The following SYTL3 variants were observed in gnomAD, a reference collection of about 807,000 sequenced individuals.
SYTL3 encodes the protein synaptotagmin like 3.
In SYTL3, 88 loss-of-function variants were observed where a neutral mutation model predicts 82.1. The ratio of observed to expected loss-of-function variants is 1.07; its 90% CI spans 0.90 to 1.28. SYTL3 has a LOEUF of 1.28. SYTL3 is among the 50% of genes most tolerant of loss of function. The pLI is 0.00. For synonymous variants in SYTL3, 311 were observed against 289.4 expected (o/e 1.07, Z -0.76); for missense variants, 831 against 757.6 (o/e 1.10, Z -1.14).
Position 158,751,910 on chromosome 6 carries a change from G to T in SYTL3, c.1035-18G>T, listed in dbSNP as rs748031735. 5.1e-5 allele frequency: 81 copies of T among 1,581,356 alleles called. No homozygotes were observed. The highest frequency in any genetic ancestry group is 5.3e-5 in the Non-Finnish European group (62 of 1,159,844). On this transcript the variant is annotated intron_variant, in intron 12 of 17. Coordinates refer to ENST00000611299, the MANE Select transcript of SYTL3 (RefSeq NM_001242394.2). The stretch of plus-strand genomic sequence containing the variant: ...TTCCCTGAGTTCTCACTCTGTCCCC[G>T]CTGTGTTTGGCCCCTAGGTATGTGA...
intron 17 of SYTL3, 89 bp downstream of exon 17, chr6:158,763,598 G>A: frequency 8.5e-7 from 1 of 1,176,442 alleles, no homozygotes; most frequent in Non-Finnish European, 1.3e-6. Context: ...CCAGGGCAGT[G>A]ACTTAACTGG....
intron 5 of SYTL3, among the ~76,000 whole-genome samples, chr6:158,679,387 CTT>C (rs991193059): frequency 6.6e-6 from 1 of 151,580 alleles, no homozygotes; most frequent in Non-Finnish European, 1.5e-5. Context: ...AAAAAAAAGT[CTT>C]GGGATTAGTG....
At chr6:158,763,621 C>A in intron 17 of SYTL3, 112 bp downstream of exon 17, 1 of 890,028 alleles carries the variant, frequency 1.1e-6, no homozygotes, top group South Asian at 1.6e-5. Flanking sequence ...TTGAAATTGC[C>A]TAGCCTGCCT....
chr6:158,650,365 A>G (rs1043700353), intron 1 of SYTL3, among the ~76,000 whole-genome samples: 4 of 148,484 alleles, frequency 2.7e-5, no homozygotes, highest in Non-Finnish European at 6.0e-5. Flanking sequence ...ATATGGTGTG[A>G]TTTTTTTTTT....
chr6:158,763,540 ATACT>A, intron 17 of SYTL3, 31 bp downstream of exon 17: 1 of 1,577,550 alleles, frequency 6.3e-7, no homozygotes, highest in Non-Finnish European at 8.7e-7. Context: ...CCAAACGTTT[ATACT>A]TTGTGATTAT....
At chr6:158,693,855 CTTTTT>C (rs575358067) in intron 6 of SYTL3, among the ~76,000 whole-genome samples, 3 of 96,866 alleles carry the variant, frequency 3.1e-5, no homozygotes, top group African/African-American at 1.1e-4. Context: ...TTTTTCTTTT[CTTTTT>C]TTTTTTTTTT....
At chr6:158,659,420 A>C (rs1789096630) in intron 2 of SYTL3, among the ~76,000 whole-genome samples, 1 of 152,064 alleles carries the variant, frequency 6.6e-6, no homozygotes, top group Non-Finnish European at 1.5e-5. Context: ...CGATGGTGCG[A>C]TCTTGGCTCA....
intron 6 of SYTL3, among the ~76,000 whole-genome samples, chr6:158,695,155 A>G (rs1780421912): frequency 6.6e-6 from 1 of 152,232 alleles, no homozygotes; most frequent in Non-Finnish European, 1.5e-5. Flanking sequence ...CAGGTTGAGT[A>G]GTTGCAACAG....
intron 5 of SYTL3, among the ~76,000 whole-genome samples, chr6:158,680,588 A>AAAAC (rs964570585): frequency 3.3e-5 from 5 of 149,310 alleles, no homozygotes; most frequent in Admixed American, 3.3e-4. Context: ...AAAAAAAAAA[A>AAAAC]AAAAAACACA....
intron 5 of SYTL3, among the ~76,000 whole-genome samples, chr6:158,677,546 A>T (rs943428276): frequency 7.1e-6 from 1 of 140,734 alleles, no homozygotes. Context: ...AACTTATAAT[A>T]AAAAAAAAAT....
intron 11 of SYTL3, among the ~76,000 whole-genome samples, chr6:158,736,469 ATTGT>A (rs535248617): frequency 3.0e-4 from 46 of 151,712 alleles, no homozygotes; most frequent in Middle Eastern, 3.4e-3. Flanking sequence ...TAAACAGTAG[ATTGT>A]TTGGGGGATA....
At chr6:158,742,450 A>G (rs1440266890) in intron 11 of SYTL3, among the ~76,000 whole-genome samples, 1 of 152,160 alleles carries the variant, frequency 6.6e-6, no homozygotes, top group Non-Finnish European at 1.5e-5. Context: ...TCTTCCTCCT[A>G]GTAAGGAAGT....
chr6:158,667,831 G>A (rs1433892122), intron 5 of SYTL3, among the ~76,000 whole-genome samples: 1 of 152,172 alleles, frequency 6.6e-6, no homozygotes, highest in African/African-American at 2.4e-5. Context: ...CTTGTGTTGA[G>A]AGGTTCCAGA....
intron 10 of SYTL3, 132 bp downstream of exon 10, chr6:158,718,343 T>C (rs966615596): frequency 6.6e-5 from 73 of 1,104,786 alleles, no homozygotes; most frequent in Admixed American, 4.9e-4. Flanking sequence ...CAGAAAAACA[T>C]AATTACCAGT....
chr6:158,671,536 G>A (rs533042800), intron 5 of SYTL3, among the ~76,000 whole-genome samples: 6 of 152,002 alleles, frequency 3.9e-5, no homozygotes, highest in East Asian at 1.9e-4. Context: ...AGGCTGAGGC[G>A]GGTAGATCAC....
intron 15 of SYTL3, among the ~76,000 whole-genome samples, 186 bp from the exon 16 acceptor site, chr6:158,761,890 G>A (rs1359681615): frequency 2.0e-5 from 3 of 152,100 alleles, no homozygotes; most frequent in Non-Finnish European, 2.9e-5. Flanking sequence ...AGAGCGGCAC[G>A]GTGTGGGCAG....
intron 5 of SYTL3, among the ~76,000 whole-genome samples, chr6:158,670,841 C>T (rs962796998): frequency 1.3e-5 from 2 of 150,910 alleles, no homozygotes; most frequent in East Asian, 2.0e-4. Context: ...CTCGCTCTGT[C>T]GCCCAGGCTG....
Position 158,764,483 on chromosome 6 carries a change from C to T in SYTL3, c.1724-12C>T. 3.7e-6 allele frequency: 6 copies of T among 1,603,856 alleles called. No homozygotes were observed. Among genetic ancestry groups the T allele is most frequent in the Non-Finnish European group, 5.1e-6 (6 of 1,171,228 alleles). Reference sequence around the variant, plus strand: ...TCCCCGACCATGGCTAAATTGTCTTCCTCTCTTACAGAGGGAGACACAGCT... The same window carrying T: ...TCCCCGACCATGGCTAAATTGTCTTTCTCTCTTACAGAGGGAGACACAGCT... On this transcript the variant is annotated splice_polypyrimidine_tract_variant and intron_variant, in intron 17 of 17. Transcript: ENST00000611299.
At chr6:158,691,996 G>A (rs1779929457) in intron 6 of SYTL3, among the ~76,000 whole-genome samples, 2 of 145,992 alleles carry the variant, frequency 1.4e-5, no homozygotes. Flanking sequence ...ATTTCTTAAT[G>A]CCTGTAATTC....
Sources: allele counts gnomAD v4.1 joint callset (sites outside exome capture counted in the v4.1 genomes callset), GRCh38; gene constraint gnomAD v4.1.1; transcripts MANE v1.5; gene names NCBI Gene and HGNC (gene_info 2026-07-23, HGNC 2026-07-21).